Variants in PPFIBP2 observed in about 807,000 individuals in gnomAD.
The protein encoded by PPFIBP2 is liprin-beta-2.
PPFIBP2 carries 118 observed loss-of-function variants against 118.3 expected under a neutral mutation model. The ratio of observed to expected loss-of-function variants is 1.00; its 90% CI spans 0.86 to 1.16. PPFIBP2 has a LOEUF of 1.16. Ranked by LOEUF, PPFIBP2 falls within the 50% of genes most tolerant of loss-of-function variation. PPFIBP2 has a pLI of 0.00. For synonymous variants in PPFIBP2, 414 were observed against 397.4 expected (o/e 1.04, Z -0.50); for missense variants, 1,195 against 1,073.1 (o/e 1.11, Z -1.59).
chr11:7,654,043 G>T (rs1854457121), downstream of PPFIBP2, among the ~76,000 whole-genome samples: 1 of 152,258 alleles, frequency 6.6e-6, no homozygotes, highest in African/African-American at 2.4e-5. Context: ...CTGTCGTGCA[G>T]ACCTCAAAGC....
At chr11:7,647,483 G>A (rs1271324082) in intron 17 of PPFIBP2, among the ~76,000 whole-genome samples, 4 of 151,864 alleles carry the variant, frequency 2.6e-5, no homozygotes, top group Admixed American at 1.3e-4. Flanking sequence ...CCCCACCCCC[G>A]CAATCCCCAC....
chr11:7,649,976 TAGAAG>T (rs1027077457), intron 21 of PPFIBP2, among the ~76,000 whole-genome samples: 20 of 151,992 alleles, frequency 1.3e-4, no homozygotes, highest in East Asian at 7.7e-4. Context: ...GGTGTCACAG[TAGAAG>T]AGAAGAGAAG....
At position 7,646,352 on chromosome 11, in the gene PPFIBP2, C is replaced by A. The variant is rs144877873; in HGVS notation, c.1647-2035C>A. 3.3e-5 allele frequency among the ~76,000 whole-genome samples: 5 copies of A among 152,232 alleles called. No homozygotes were observed. The East Asian group carries it at 7.7e-4, about 23-fold the overall frequency. On this transcript the variant is annotated intron_variant, in intron 17 of 23. Transcript: ENST00000299492. The stretch of plus-strand genomic sequence containing the variant: ...ACATATAAAAGACATTTGATAGAGG[C>A]CTTTCTAAATTTAAATGATTCTAAA...
intron 5 of PPFIBP2, among the ~76,000 whole-genome samples, chr11:7,609,824 T>G (rs760902385): frequency 1.4e-4 from 22 of 152,204 alleles, no homozygotes; most frequent in Non-Finnish European, 2.9e-4. Flanking sequence ...CTAGGTTCAT[T>G]GCAGTGAAGT....
chr11:7,629,053 C>T (rs1213681954), intron 9 of PPFIBP2, among the ~76,000 whole-genome samples: 2 of 152,198 alleles, frequency 1.3e-5, no homozygotes, highest in Non-Finnish European at 2.9e-5. Context: ...TGAGGTATCT[C>T]AGACTCCTAG....
At position 7,629,553 on chromosome 11, in the gene PPFIBP2, C is replaced by T. The variant is rs761244366; in HGVS notation, c.964+19C>T. Reference sequence around the variant, plus strand: ...ACTCAAGGTAAGAGCAAGGGCGATCCTACCGTTGTCTCTGAAAGATATTCC... The same window carrying T: ...ACTCAAGGTAAGAGCAAGGGCGATCTTACCGTTGTCTCTGAAAGATATTCC... On this transcript the variant is annotated intron_variant, in intron 10 of 23. Transcript: ENST00000299492. The T allele has an allele frequency of 1.6e-5, 26 of 1,610,040 alleles. No individual in the cohort carries two copies. Among genetic ancestry groups the T allele is most frequent in the Non-Finnish European group, 6.8e-6 (8 of 1,176,522 alleles).
chr11:7,550,640 G>A (rs138145007), intron 2 of PPFIBP2, among the ~76,000 whole-genome samples: 13 of 152,302 alleles, frequency 8.5e-5, no homozygotes, highest in South Asian at 2.1e-4. Flanking sequence ...CTGGGATGTC[G>A]TGATGTTTAA....
intron 3 of PPFIBP2, among the ~76,000 whole-genome samples, chr11:7,566,921 C>T (rs1228451128): frequency 2.0e-5 from 3 of 152,184 alleles, no homozygotes; most frequent in Admixed American, 2.0e-4. Flanking sequence ...GCACCTCTCC[C>T]ACTCTAGTCT....
chr11:7,516,527 C>T (rs926066571), intron 1 of PPFIBP2, among the ~76,000 whole-genome samples: 10 of 152,026 alleles, frequency 6.6e-5, no homozygotes, highest in South Asian at 2.1e-4. Flanking sequence ...GTTCGAACCC[C>T]GAGAGCCTGC....
chr11:7,514,700 TG>T (rs1446933517), intron 1 of PPFIBP2, among the ~76,000 whole-genome samples: 1 of 152,224 alleles, frequency 6.6e-6, no homozygotes, highest in Non-Finnish European at 1.5e-5. Flanking sequence ...TATTTAAAAG[TG>T]GGCTCCCTCC....
chr11:7,644,487 T>G (rs1031404466), intron 17 of PPFIBP2, among the ~76,000 whole-genome samples: 3 of 152,300 alleles, frequency 2.0e-5, no homozygotes, highest in Non-Finnish European at 4.4e-5. Flanking sequence ...GTTTTTTTCC[T>G]GAGTTGATCT....
intron 5 of PPFIBP2, among the ~76,000 whole-genome samples, chr11:7,609,880 C>T (rs1342259960): frequency 2.6e-5 from 4 of 151,948 alleles, no homozygotes; most frequent in African/African-American, 9.7e-5. Flanking sequence ...TTGGTTGAGC[C>T]CAGAAAGTGA....
intron 6 of PPFIBP2, among the ~76,000 whole-genome samples, chr11:7,610,922 A>C (rs755197466): frequency 6.6e-6 from 1 of 152,168 alleles, no homozygotes; most frequent in Non-Finnish European, 1.5e-5. Flanking sequence ...CTCTTAGAGA[A>C]TGTTTTCCTA....
intron 1 of PPFIBP2, among the ~76,000 whole-genome samples, chr11:7,527,730 T>C (rs1209923699): frequency 6.6e-6 from 1 of 152,092 alleles, no homozygotes; most frequent in Non-Finnish European, 1.5e-5. Flanking sequence ...GTTGCCCGTT[T>C]CTATGGGGCT....
At chr11:7,615,532 A>G (rs1336976821) in intron 6 of PPFIBP2, among the ~76,000 whole-genome samples, 3 of 152,182 alleles carry the variant, frequency 2.0e-5, no homozygotes, top group Non-Finnish European at 2.9e-5. Flanking sequence ...TGACTGATGC[A>G]CACAAGGGGC....
chr11:7,648,330 G>A, intron 17 of PPFIBP2, 57 bp from the exon 18 acceptor site: 2 of 1,530,560 alleles, frequency 1.3e-6, no homozygotes, highest in Non-Finnish European at 8.9e-7. Flanking sequence ...GACATGATTA[G>A]ATTCAGAACC....
intron 1 of PPFIBP2, among the ~76,000 whole-genome samples, chr11:7,535,766 G>C (rs556797114): frequency 6.6e-6 from 1 of 152,194 alleles, no homozygotes; most frequent in African/African-American, 2.4e-5. Flanking sequence ...AGGTTCTCCA[G>C]TGCCCTGGTT....
intron 5 of PPFIBP2, chr11:7,605,785 A>C: frequency 2.2e-6 from 3 of 1,388,072 alleles, no homozygotes; most frequent in Non-Finnish European, 2.8e-6. Context: ...AAAGGTCAGA[A>C]GATTGTGGCC....
rs1391336134 is a variant in PPFIBP2 at position 7,565,681 on chromosome 11, G to C, written c.193G>C (p.Glu65Gln). 6.2e-7 allele frequency: 1 copy of C among 1,614,078 alleles called. No homozygotes were observed. Among genetic ancestry groups the C allele is most frequent in the Non-Finnish European group, 8.5e-7 (1 of 1,180,034 alleles). ...CTTGAGGCTGGCCTTGGAGATGCTG[G>C]AGCTTCCTCAGGAGAGAGCAGCCCT... ...EDLRLALEML[E>Q]LPQERAALLS... Residue 65 changes from glutamate to glutamine, a missense_variant, in exon 3 of 24, where the codon GAG becomes CAG. Physicochemically the swap from Glu to Gln is conservative, Grantham distance 29. Transcript: ENST00000299492.
Sources: gnomAD v4.1 joint callset for allele counts (sites outside exome capture counted in the v4.1 genomes callset) on GRCh38, gnomAD v4.1.1 for gene constraint, MANE v1.5 for transcripts, NCBI Gene and HGNC (gene_info 2026-07-23, HGNC 2026-07-21) for gene names.